The following SCUBE1 variants were observed in gnomAD, a reference collection of about 807,000 sequenced individuals.
The protein encoded by SCUBE1 is signal peptide, CUB and EGF-like domain-containing protein 1.
In SCUBE1, 59 loss-of-function variants were observed where a neutral mutation model predicts 124.4. The observed-to-expected ratio is 0.47, with a 90% CI of 0.38 to 0.59. The LOEUF (loss-of-function observed/expected upper bound fraction) is 0.59. Among genes scored for constraint, SCUBE1 ranks in the 20% least tolerant of loss-of-function variants. SCUBE1 has a pLI of 0.00. For synonymous variants in SCUBE1, 545 were observed against 550.9 expected (o/e 0.99, Z 0.15); for missense variants, 1,150 against 1,371.2 (o/e 0.84, Z 2.55).
At chr22:43,299,420 C>T (rs1188814724) in intron 3 of SCUBE1, among the ~76,000 whole-genome samples, 1 of 152,206 alleles carries the variant, frequency 6.6e-6, no homozygotes, top group Non-Finnish European at 1.5e-5. Context: ...CCAAGTGAAG[C>T]CGCTCGGCTC....
At chr22:43,248,975 G>T (rs911687183) in intron 6 of SCUBE1, among the ~76,000 whole-genome samples, 2 of 152,208 alleles carry the variant, frequency 1.3e-5, no homozygotes, top group Non-Finnish European at 2.9e-5. Flanking sequence ...CCTGAGGGGG[G>T]GCACCAAGCT....
At chr22:43,338,565 G>A (rs184967628) in intron 2 of SCUBE1, among the ~76,000 whole-genome samples, 4 of 151,778 alleles carry the variant, frequency 2.6e-5, no homozygotes, top group Admixed American at 6.6e-5. Flanking sequence ...TTGCTCTGTC[G>A]CCCAAGCTGG....
At chr22:43,226,632 TG>T (rs1569501177) in intron 10 of SCUBE1, among the ~76,000 whole-genome samples, 1 of 12,576 alleles carries the variant, frequency 8.0e-5, no homozygotes, top group Admixed American at 8.8e-4. Flanking sequence ...GGGCGGAGGG[TG>T]GGGGTGGGGG....
In SCUBE1 at chr22:43,208,064, G is replaced by T; in HGVS notation, c.2734+8C>A. 1 of 1,614,016 alleles carries T rather than the reference G, an allele frequency of 6.2e-7. No individual in the cohort carries two copies. The highest frequency in any genetic ancestry group is 8.5e-7 in the Non-Finnish European group (1 of 1,179,970). On this transcript the variant is annotated splice_region_variant and intron_variant, in intron 20 of 21. Coordinates refer to ENST00000360835, the MANE Select transcript of SCUBE1 (RefSeq NM_173050.5). ...TGCACAGTGGGCCGTGAAGACAGTG[G>T]ATCTTACCATCGTAGGTGACATAGG...
chr22:43,273,740 T>C (rs1452389043), intron 4 of SCUBE1, among the ~76,000 whole-genome samples: 1 of 151,650 alleles, frequency 6.6e-6, no homozygotes, highest in Admixed American at 6.6e-5. Flanking sequence ...ACCTGACTAA[T>C]TTTTGTATTT....
intron 3 of SCUBE1, 101 bp downstream of exon 3, chr22:43,319,836 C>T (rs747922745): frequency 2.8e-6 from 4 of 1,445,438 alleles, no homozygotes; most frequent in Non-Finnish European, 3.7e-6. Flanking sequence ...ATACAGGAAG[C>T]CAAAGGAAGG....
chr22:43,307,752 G>T (rs988085222), intron 3 of SCUBE1, among the ~76,000 whole-genome samples: 1 of 152,216 alleles, frequency 6.6e-6, no homozygotes, highest in Non-Finnish European at 1.5e-5. Flanking sequence ...TCGGAAAAAA[G>T]ATTTCTGCTG....
intron 6 of SCUBE1, among the ~76,000 whole-genome samples, chr22:43,251,137 G>C (rs1307438475): frequency 1.3e-5 from 2 of 152,204 alleles, no homozygotes; most frequent in Non-Finnish European, 2.9e-5. Context: ...GAGAGAGCCG[G>C]GGCAGAGGGA....
At chr22:43,218,223 C>A in intron 15 of SCUBE1, 32 bp downstream of exon 15, 2 of 1,603,728 alleles carry the variant, frequency 1.2e-6, no homozygotes, top group South Asian at 2.2e-5. Flanking sequence ...AGGACAGAGT[C>A]AGCATCTGAG....
rs1923767206 is a variant in SCUBE1, at chr22:43,258,889, G to GC, written c.611-555dup. Among the ~76,000 whole-genome samples, 1 of 152,174 alleles carries GC rather than the reference G, an allele frequency of 6.6e-6. No individual in the cohort carries two copies. Among genetic ancestry groups the GC allele is most frequent in the South Asian group, 2.1e-4 (1 of 4,828 alleles). ...CCACCTCAAACTCTATCCCCTCAAA[G>GC]CCCTAATCCTCCGGGAGCTCGGCAA... On this transcript the variant is annotated intron_variant, in intron 5 of 21. Transcript: ENST00000360835. This position sits in a 1 kb window ranked among gnomAD's most constrained non-coding sequence, Gnocchi z 5.0.
chr22:43,217,188 G>C (rs910582979), intron 15 of SCUBE1, among the ~76,000 whole-genome samples: 1 of 141,298 alleles, frequency 7.1e-6, no homozygotes, highest in Non-Finnish European at 1.5e-5. Context: ...CTTCTCCTCC[G>C]GCTTCCCAGT....
intron 6 of SCUBE1, among the ~76,000 whole-genome samples, chr22:43,257,714 C>T (rs1923713577): frequency 3.3e-5 from 5 of 152,230 alleles, no homozygotes; most frequent in Admixed American, 1.3e-4. Context: ...AGACAATGAC[C>T]ACTCAAAGCA....
intron 7 of SCUBE1, among the ~76,000 whole-genome samples, chr22:43,232,771 C>T (rs28439423): frequency 0.094 from 14,246 of 152,286 alleles, 889 homozygotes; most frequent in African/African-American, 0.18. Context: ...CGATGCCTCA[C>T]AGATGTCTTC....
chr22:43,242,492 G>A (rs946957540), intron 6 of SCUBE1, among the ~76,000 whole-genome samples: 10 of 152,226 alleles, frequency 6.6e-5, no homozygotes, highest in African/African-American at 2.2e-4. Flanking sequence ...GGGAGGTTGG[G>A]GGTGGGCTCT....
intron 6 of SCUBE1, among the ~76,000 whole-genome samples, chr22:43,243,070 C>T (rs1324941901): frequency 6.6e-6 from 1 of 152,248 alleles, no homozygotes; most frequent in East Asian, 1.9e-4. Flanking sequence ...ATCGTGGGCC[C>T]TTCTAAGGGC....
At chr22:43,262,040 G>A (rs1461176708) in intron 5 of SCUBE1, among the ~76,000 whole-genome samples, 1 of 152,180 alleles carries the variant, frequency 6.6e-6, no homozygotes, top group Non-Finnish European at 1.5e-5. Context: ...CGTGGGCCCC[G>A]TAGGCAGACC....
intron 15 of SCUBE1, among the ~76,000 whole-genome samples, chr22:43,217,988 G>A (rs1921910172): frequency 6.6e-6 from 1 of 151,868 alleles, no homozygotes; most frequent in Non-Finnish European, 1.5e-5. Flanking sequence ...GTGCCCCCTC[G>A]CGCCCCTCGA....
intron 2 of SCUBE1, among the ~76,000 whole-genome samples, chr22:43,334,766 T>C (rs775703147): frequency 1.7e-4 from 26 of 152,220 alleles, no homozygotes; most frequent in Non-Finnish European, 3.5e-4. Context: ...CTAGTGCTTA[T>C]ATACAGCATC....
chr22:43,250,997 C>T (rs1344442722), intron 6 of SCUBE1, among the ~76,000 whole-genome samples: 1 of 152,244 alleles, frequency 6.6e-6, no homozygotes, highest in East Asian at 1.9e-4. Context: ...GGCCTCCCTT[C>T]TCAGGGCCTC....
Sources: allele counts gnomAD v4.1 joint callset (sites outside exome capture counted in the v4.1 genomes callset), GRCh38; gene constraint gnomAD v4.1.1; non-coding constraint Gnocchi (gnomAD v3.1); transcripts MANE v1.5; gene names NCBI Gene and HGNC (gene_info 2026-07-23, HGNC 2026-07-21).